Variants in EBF2 observed in about 807,000 individuals in gnomAD.
EBF2 encodes the protein transcription factor COE2.
EBF2 carries 21 observed loss-of-function variants against 72.8 expected under a neutral mutation model. The ratio of observed to expected loss-of-function variants is 0.29; its 90% CI spans 0.20 to 0.42. EBF2 has a LOEUF of 0.42. Ranked by LOEUF, EBF2 falls within the 10% of genes least tolerant of loss-of-function variation. The pLI is 1.00. For synonymous variants in EBF2, 299 were observed against 274.2 expected (o/e 1.09, Z -0.89); for missense variants, 637 against 731.2 (o/e 0.87, Z 1.49).
chr8:25,864,453 T>C (rs1802266829), intron 10 of EBF2, among the ~76,000 whole-genome samples: 1 of 150,418 alleles, frequency 6.6e-6, no homozygotes, highest in African/African-American at 2.5e-5. Flanking sequence ...TTAAGTATTT[T>C]ATGTATAGAA....
intron 6 of EBF2, among the ~76,000 whole-genome samples, chr8:25,973,222 A>T (rs1804218361): frequency 6.6e-6 from 1 of 152,134 alleles, no homozygotes; most frequent in South Asian, 2.1e-4. Context: ...GGGCAGACTT[A>T]AAAAAATAAA....
chr8:26,042,008 G>A, intron 2 of EBF2, 87 bp downstream of exon 2: 13 of 1,534,564 alleles, frequency 8.5e-6, no homozygotes, highest in African/African-American at 1.4e-5. Context: ...GAGTGGAAAA[G>A]TGTCGCGAGA....
intron 5 of EBF2, among the ~76,000 whole-genome samples, chr8:26,036,577 T>C (rs1269443818): frequency 1.3e-5 from 2 of 152,006 alleles, no homozygotes; most frequent in Non-Finnish European, 2.9e-5. Context: ...TTCTCACTAA[T>C]ATGTTCTAGT....
At chr8:25,991,572 G>A (rs1804545643) in intron 6 of EBF2, among the ~76,000 whole-genome samples, 1 of 152,186 alleles carries the variant, frequency 6.6e-6, no homozygotes, top group Admixed American at 6.5e-5. Flanking sequence ...ACTGCCGGGT[G>A]CAGTGGCTCA....
rs535838250 is a variant in EBF2 at position 25,843,261 on chromosome 8, C to G, written c.*1348G>C. The stretch of plus-strand genomic sequence containing the variant: ...CTTTTAATATCCCTCTCCCACATTC[C>G]GTCTCATTCTTGACTAGAAACTGTC... On this transcript the variant is annotated 3_prime_UTR_variant, in exon 16 of 16. Transcript: ENST00000520164. 1 of 152,156 alleles carries G rather than the reference C, an allele frequency of 6.6e-6. No homozygotes were observed. Among genetic ancestry groups the G allele is most frequent in the South Asian group, 2.1e-4 (1 of 4,830 alleles). 9.4% of individuals were successfully genotyped at this position (152,156 alleles called of 1,614,324 possible).
At chr8:25,907,280 C>T (rs1219063082) in intron 7 of EBF2, among the ~76,000 whole-genome samples, 1 of 151,188 alleles carries the variant, frequency 6.6e-6, no homozygotes, top group Non-Finnish European at 1.5e-5. Context: ...ATTAGCAGGG[C>T]ATGATGGTGC....
intron 6 of EBF2, among the ~76,000 whole-genome samples, chr8:25,915,235 T>C (rs1803190874): frequency 6.6e-6 from 1 of 151,968 alleles, no homozygotes; most frequent in African/African-American, 2.4e-5. Flanking sequence ...GTAGTCTGTC[T>C]GACTCTTAGC....
intron 10 of EBF2, among the ~76,000 whole-genome samples, chr8:25,884,636 G>A (rs187745965): frequency 3.9e-5 from 6 of 152,304 alleles, no homozygotes; most frequent in African/African-American, 1.4e-4. Context: ...ATACCCGTGA[G>A]CTTAGAGCTG....
intron 6 of EBF2, among the ~76,000 whole-genome samples, chr8:25,992,440 A>C (rs1468435928): frequency 5.9e-5 from 9 of 151,744 alleles, no homozygotes; most frequent in Admixed American, 5.2e-4. Flanking sequence ...AGTGGAGCTG[A>C]ACTAGGAACT....
chr8:25,850,216 G>A (rs542535718), intron 15 of EBF2, among the ~76,000 whole-genome samples: 8 of 152,246 alleles, frequency 5.3e-5, no homozygotes, highest in African/African-American at 1.7e-4. Context: ...AGGTTCAAGC[G>A]ATTCTTCTCC....
At chr8:25,919,252 T>C (rs1312438121) in intron 6 of EBF2, among the ~76,000 whole-genome samples, 1 of 152,140 alleles carries the variant, frequency 6.6e-6, no homozygotes, top group Non-Finnish European at 1.5e-5. Context: ...AGGTCACTTG[T>C]TAGAAAATTC....
intron 6 of EBF2, among the ~76,000 whole-genome samples, chr8:25,917,888 G>A (rs1484099090): frequency 6.6e-6 from 1 of 152,114 alleles, no homozygotes; most frequent in Non-Finnish European, 1.5e-5. Context: ...CCAGATGGTT[G>A]AGGCCAATGT....
chr8:26,026,245 A>T (rs1429245075), intron 6 of EBF2, among the ~76,000 whole-genome samples: 1 of 152,162 alleles, frequency 6.6e-6, no homozygotes, highest in Non-Finnish European at 1.5e-5. Flanking sequence ...GGGTTCTCCC[A>T]TACTGGAGAT....
intron 6 of EBF2, 91 bp downstream of exon 6, chr8:26,032,994 T>C (rs1259681808): frequency 7.9e-7 from 1 of 1,258,058 alleles, no homozygotes; most frequent in African/African-American, 1.5e-5. Flanking sequence ...GAAACCAACT[T>C]GACAGCAAAG....
At chr8:25,994,292 G>A (rs1267761977) in intron 6 of EBF2, among the ~76,000 whole-genome samples, 6 of 151,992 alleles carry the variant, frequency 3.9e-5, no homozygotes, top group Admixed American at 3.9e-4. Context: ...AAAAGACCAA[G>A]AAATGGCAAC....
At chr8:25,964,424 C>T (rs1804082704) in intron 6 of EBF2, among the ~76,000 whole-genome samples, 1 of 152,046 alleles carries the variant, frequency 6.6e-6, no homozygotes, top group Non-Finnish European at 1.5e-5. Context: ...TGAAAACAGA[C>T]CTGGAATATT....
chr8:25,863,495 T>G (rs896106249), intron 10 of EBF2, among the ~76,000 whole-genome samples: 16 of 152,322 alleles, frequency 1.1e-4, no homozygotes, highest in African/African-American at 3.8e-4. Context: ...TTTCCACTAT[T>G]CTAAAGAGTT....
At chr8:26,000,997 A>T (rs187937789) in intron 6 of EBF2, among the ~76,000 whole-genome samples, 154 of 152,362 alleles carry the variant, frequency 1.0e-3, no homozygotes, top group African/African-American at 3.0e-3. Flanking sequence ...GAGGGGCCAT[A>T]AATGTTAACA....
chr8:25,939,991 G>T (rs935874969), intron 6 of EBF2, among the ~76,000 whole-genome samples: 3 of 152,194 alleles, frequency 2.0e-5, no homozygotes, highest in African/African-American at 7.2e-5. Flanking sequence ...GCCATAAAGA[G>T]AATTTTTGCA....
Sources: gnomAD v4.1 joint callset for allele counts (sites outside exome capture counted in the v4.1 genomes callset) on GRCh38, gnomAD v4.1.1 for gene constraint, MANE v1.5 for transcripts, NCBI Gene and HGNC (gene_info 2026-07-23, HGNC 2026-07-21) for gene names.